The following SPOCK3 variants were observed in gnomAD, a reference collection of about 807,000 sequenced individuals.
SPOCK3 encodes testican-3.
A neutral mutation model predicts 56.6 loss-of-function variants in SPOCK3; 30 were observed. That is an observed-to-expected ratio of 0.53 (90% CI 0.40 to 0.72). The LOEUF is 0.72. Ranked by LOEUF, SPOCK3 falls within the 30% of genes least tolerant of loss-of-function variation. The probability of loss-of-function intolerance (pLI) is 0.00; values close to 1 mark genes in which losing one functional copy is unlikely to be tolerated. For missense variants in SPOCK3, 527 were observed against 530.0 expected, an observed-to-expected ratio of 0.99 and a Z score of 0.06; for synonymous variants, 196 against 183.3, an observed-to-expected ratio of 1.07 and a Z score of -0.56.
At chr4:167,147,240 C>A (rs1764036815) in intron 2 of SPOCK3, among the ~76,000 whole-genome samples, 1 of 152,114 alleles carries the variant, frequency 6.6e-6, no homozygotes. Context: ...GACACATACA[C>A]CCTCCCAAGA....
intron 2 of SPOCK3, among the ~76,000 whole-genome samples, chr4:167,221,489 G>T (rs7693556): frequency 6.6e-6 from 1 of 152,198 alleles, no homozygotes; most frequent in African/African-American, 2.4e-5. Context: ...TTAGAAAGTC[G>T]TTTCAAACTT....
At position 166,996,358 on chromosome 4, in the gene SPOCK3, C is replaced by T. The variant is rs1020420064; in HGVS notation, c.350+3991G>A. On this transcript the variant is annotated intron_variant, in intron 4 of 10. Coordinates refer to ENST00000357545, the MANE Select transcript of SPOCK3 (RefSeq NM_001040159.2). ...CTGATCTAGAAATAGTGTTAATTAT[C>T]TGCAGCTGCACAGGCAGCAAGGGAG... Among the ~76,000 whole-genome samples, 128 of 152,236 alleles carry T rather than the reference C, an allele frequency of 8.4e-4. 1 individual carries two copies. The highest frequency in any genetic ancestry group is 3.4e-3 in the Middle Eastern group (1 of 294).
intron 6 of SPOCK3, among the ~76,000 whole-genome samples, chr4:166,803,146 T>A (rs139128957): frequency 2.3e-3 from 344 of 152,298 alleles, no homozygotes; most frequent in Non-Finnish European, 4.0e-3. Flanking sequence ...AAAGCCACAC[T>A]AAAATTTTTA....
At chr4:166,800,539 T>C (rs1011302885) in intron 6 of SPOCK3, among the ~76,000 whole-genome samples, 2 of 151,942 alleles carry the variant, frequency 1.3e-5, no homozygotes, top group Non-Finnish European at 2.9e-5. Flanking sequence ...CCTGACCCTA[T>C]GTAGGCCTAG....
chr4:166,877,356 T>C (rs921117276), intron 6 of SPOCK3, among the ~76,000 whole-genome samples: 2 of 152,200 alleles, frequency 1.3e-5, no homozygotes, highest in African/African-American at 4.8e-5. Context: ...GGGTAAATTC[T>C]GTTATTAGAG....
intron 7 of SPOCK3, among the ~76,000 whole-genome samples, chr4:166,755,318 A>C (rs1013310994): frequency 7.2e-5 from 11 of 152,060 alleles, no homozygotes; most frequent in Non-Finnish European, 1.3e-4. Flanking sequence ...AAATTTTACA[A>C]ATGCAAATGT....
intron 2 of SPOCK3, among the ~76,000 whole-genome samples, chr4:167,207,303 G>T (rs184106923): frequency 4.1e-4 from 62 of 151,852 alleles, no homozygotes; most frequent in African/African-American, 1.4e-3. Flanking sequence ...AGAGGTAAAT[G>T]AACATTCCAA....
intron 3 of SPOCK3, among the ~76,000 whole-genome samples, chr4:167,001,306 T>C (rs1373863915): frequency 1.3e-5 from 2 of 152,144 alleles, no homozygotes; most frequent in Non-Finnish European, 2.9e-5. Flanking sequence ...CCAACTAGTA[T>C]TAGGCAACTA....
chr4:166,734,842 GGAAGA>G lies in SPOCK3; in HGVS notation c.*74_*78del, dbSNP rs1734055385. 8.7e-7 allele frequency: 1 copy of G among 1,150,092 alleles called. No homozygotes were observed. Among genetic ancestry groups the G allele is most frequent in the African/African-American group, 1.6e-5 (1 of 63,148 alleles). The allele number at this position is 1,150,092 out of a possible 1,614,324, so 71.2% of individuals were successfully genotyped here. A position where few individuals can be genotyped will look rare whatever the true frequency, so the allele number is the denominator to read the frequency against. On this transcript the variant is annotated 3_prime_UTR_variant, in exon 11 of 11. Coordinates refer to ENST00000357545, the MANE Select transcript of SPOCK3 (RefSeq NM_001040159.2). ...AGGTTTAGAATCATTTTGTTATTGG[GGAAGA>G]AGATAATTTTAAATAGGCTATCATT...
intron 2 of SPOCK3, among the ~76,000 whole-genome samples, chr4:167,172,913 G>T (rs12646779): frequency 6.6e-6 from 1 of 151,932 alleles, no homozygotes; most frequent in Non-Finnish European, 1.5e-5. Context: ...ATTTCAGGTA[G>T]AAATTATTTT....
chr4:166,955,195 A>G (rs1481857407), intron 4 of SPOCK3, among the ~76,000 whole-genome samples: 1 of 152,060 alleles, frequency 6.6e-6, no homozygotes, highest in Non-Finnish European at 1.5e-5. Flanking sequence ...AAACAGAAAA[A>G]TGTATGAGTT....
chr4:166,782,531 G>A (rs1270220717), intron 7 of SPOCK3, among the ~76,000 whole-genome samples: 3 of 152,068 alleles, frequency 2.0e-5, no homozygotes, highest in Non-Finnish European at 4.4e-5. Context: ...CCTTTTATGT[G>A]CAGATGGGAC....
chr4:166,796,047 C>T (rs1313484353), intron 6 of SPOCK3, among the ~76,000 whole-genome samples: 1 of 152,180 alleles, frequency 6.6e-6, no homozygotes, highest in African/African-American at 2.4e-5. Flanking sequence ...CATGTCAGAA[C>T]ATAGCAAGAG....
At chr4:166,778,156 GA>G (rs1432642299) in intron 7 of SPOCK3, among the ~76,000 whole-genome samples, 1 of 152,124 alleles carries the variant, frequency 6.6e-6, no homozygotes, top group African/African-American at 2.4e-5. Context: ...AAAAAATTCT[GA>G]AAAGCAGAAG....
At chr4:166,931,895 C>A in intron 4 of SPOCK3, among the ~76,000 whole-genome samples, 1 of 152,154 alleles carries the variant, frequency 6.6e-6, no homozygotes, top group East Asian at 1.9e-4. Context: ...ATTGGACCTT[C>A]CCTATTACTC....
At chr4:166,895,115 T>C (rs1180514987) in intron 5 of SPOCK3, among the ~76,000 whole-genome samples, 1 of 152,162 alleles carries the variant, frequency 6.6e-6, no homozygotes, top group Non-Finnish European at 1.5e-5. Context: ...TCCAGATTAA[T>C]GTTGCTTTCA....
chr4:167,219,227 G>C (rs1432527759), intron 2 of SPOCK3, among the ~76,000 whole-genome samples: 5 of 152,124 alleles, frequency 3.3e-5, no homozygotes, highest in Non-Finnish European at 5.9e-5. Context: ...CTAGGAGGTT[G>C]TCTATAATTT....
chr4:166,822,132 C>T (rs1744997956), intron 6 of SPOCK3, among the ~76,000 whole-genome samples: 1 of 151,970 alleles, frequency 6.6e-6, no homozygotes, highest in African/African-American at 2.4e-5. Flanking sequence ...TATAATCACA[C>T]TAATCATATC....
chr4:166,857,799 C>T (rs1730843039), intron 6 of SPOCK3, among the ~76,000 whole-genome samples: 1 of 152,154 alleles, frequency 6.6e-6, no homozygotes, highest in Non-Finnish European at 1.5e-5. Context: ...AACCACAGTC[C>T]TTCAGGGATT....
Sources: allele counts gnomAD v4.1 joint callset (sites outside exome capture counted in the v4.1 genomes callset), GRCh38; gene constraint gnomAD v4.1.1; transcripts MANE v1.5; gene names NCBI Gene and HGNC (gene_info 2026-07-23, HGNC 2026-07-21).